BIRC6: variants seen among roughly 807,000 people sequenced by gnomAD.
BIRC6 encodes the protein baculoviral IAP repeat containing 6.
BIRC6 carries 98 observed loss-of-function variants against 503.3 expected under a neutral mutation model. The ratio of observed to expected loss-of-function variants is 0.19; its 90% confidence interval spans 0.17 to 0.23. The LOEUF is 0.23. Among genes scored for constraint, BIRC6 ranks in the 10% least tolerant of loss-of-function variants. The pLI is 1.00. For missense variants in BIRC6, 5,360 were observed against 5,806.0 expected, an observed-to-expected ratio of 0.92 and a Z score of 2.50; for synonymous variants, 2,240 against 2,078.7, an observed-to-expected ratio of 1.08 and a Z score of -2.11.
chr2:32,476,034 A>G (rs555546149), intron 33 of BIRC6, among the ~76,000 whole-genome samples, 179 bp from the exon 34 acceptor site: 1 of 152,254 alleles, frequency 6.6e-6, no homozygotes, highest in Non-Finnish European at 1.5e-5. Flanking sequence ...ACAGGGAGAG[A>G]TCTCAAAGTC....
intron 3 of BIRC6, among the ~76,000 whole-genome samples, chr2:32,384,925 C>G (rs12475684): frequency 0.085 from 12,882 of 152,208 alleles, 663 homozygotes; most frequent in Admixed American, 0.15. Context: ...TCTGAGAGTT[C>G]TATTCATAGA....
chr2:32,542,118 A>G (rs926039337), intron 61 of BIRC6, among the ~76,000 whole-genome samples: 1 of 145,196 alleles, frequency 6.9e-6, no homozygotes, highest in East Asian at 1.9e-4. Context: ...AATTATGTCT[A>G]TATATATATA....
At chr2:32,363,387 A>G (rs1225419019) in intron 1 of BIRC6, among the ~76,000 whole-genome samples, 1 of 152,008 alleles carries the variant, frequency 6.6e-6, no homozygotes, top group Non-Finnish European at 1.5e-5. Context: ...CTTTTTTTAT[A>G]TTCAGTTTTT....
At chr2:32,388,711 A>T in intron 3 of BIRC6, 39 bp from the exon 4 acceptor site, 1 of 1,408,314 alleles carries the variant, frequency 7.1e-7, no homozygotes, top group South Asian at 1.6e-5. Context: ...AAAACTGTTG[A>T]GTACATTTTC....
chr2:32,545,189 A>G (rs1223835157), intron 62 of BIRC6, among the ~76,000 whole-genome samples: 1 of 152,108 alleles, frequency 6.6e-6, no homozygotes, highest in African/African-American at 2.4e-5. Context: ...CTTTCTTTGC[A>G]TTTAATACCC....
rs760866757 is a variant in BIRC6 at position 32,510,607 on chromosome 2, C to T, written c.10319C>T (p.Thr3440Ile). 1 of 1,605,104 alleles carries T rather than the reference C, an allele frequency of 6.2e-7. No homozygotes were observed. The highest frequency in any genetic ancestry group is 1.1e-5 in the South Asian group (1 of 90,896). ...STIDILYQLGTTQDPGTKDRI... is the reference protein window; with the variant it reads ...STIDILYQLGITQDPGTKDRI... ...ATAGATATTCTTTACCAGCTTGGAA[C>T]AACTCAGGATCCTGGTACAAAAGAC... Residue 3440 changes from threonine (T) to isoleucine (I), a missense_variant, in exon 53 of 74, where the codon ACA becomes ATA. By Grantham distance (89) the Thr-to-Ile change is moderately conservative. Around this residue, in one of 16 missense-constraint regions of BIRC6, gnomAD observed 878 missense variants for 928.9 expected, o/e 0.95. Coordinates refer to ENST00000421745, the MANE Select transcript of BIRC6 (RefSeq NM_016252.4).
rs910948615 is a variant in BIRC6, at chr2:32,470,911, T to C, written c.6482-103T>C. On this transcript the variant is annotated intron_variant, in intron 31 of 73. Coordinates refer to ENST00000421745, the MANE Select transcript of BIRC6 (RefSeq NM_016252.4). ...TATTAGTGTTAGTAATGATAAGATA[T>C]GTTTTGGATTTATAGAATGTTTTGT... 9.4e-6 allele frequency: 11 copies of C among 1,175,804 alleles called. No individual in the cohort carries two copies. The African/African-American group carries it at 1.4e-4, about 15-fold the overall frequency. 72.8% of individuals were successfully genotyped at this position (1,175,804 alleles called of 1,614,324 possible). A position where few individuals can be genotyped will look rare whatever the true frequency, so the allele number is the denominator to read the frequency against.
chr2:32,460,752 G>C (rs535676904), intron 23 of BIRC6, among the ~76,000 whole-genome samples: 2 of 151,824 alleles, frequency 1.3e-5, no homozygotes, highest in South Asian at 2.1e-4. Flanking sequence ...GATTCACTTA[G>C]TTTTCCCTGT....
At chr2:32,500,990 C>A (rs2149461926) in intron 46 of BIRC6, among the ~76,000 whole-genome samples, 1 of 152,074 alleles carries the variant, frequency 6.6e-6, no homozygotes, top group African/African-American at 2.4e-5. Context: ...GTGTTGAAGA[C>A]AAGTATTATT....
chr2:32,439,642 G>T lies in BIRC6; in HGVS notation c.3766G>T (p.Gly1256Cys). 1 of 1,613,844 alleles carries T rather than the reference G, an allele frequency of 6.2e-7. No homozygotes were observed. The highest frequency in any genetic ancestry group is 8.5e-7 in the Non-Finnish European group (1 of 1,179,842). Residue 1256 changes from glycine (G) to cysteine (C), a missense_variant, in exon 16 of 74, where the codon GGT becomes TGT. By Grantham distance (159) the Gly-to-Cys change is radical. This residue lies in a region of BIRC6 where 2,299 missense variants were observed against 2,267.2 expected (regional missense o/e 1.01). Coordinates refer to ENST00000421745, the MANE Select transcript of BIRC6 (RefSeq NM_016252.4). ...LPSLKHQSNKGYSLASLLAKV... is the reference protein window; with the variant it reads ...LPSLKHQSNKCYSLASLLAKV... ...ATCCCTAAAACACCAGAGTAACAAGGGTTATTCACTTGCTTCACTTTTGGC... is the reference window on the plus strand; with the variant it reads ...ATCCCTAAAACACCAGAGTAACAAGTGTTATTCACTTGCTTCACTTTTGGC...
chr2:32,547,779 C>T (rs1027952178), intron 63 of BIRC6, 71 bp from the exon 64 acceptor site: 2 of 1,297,094 alleles, frequency 1.5e-6, no homozygotes, highest in Non-Finnish European at 2.1e-6. Context: ...ATTTTACTTT[C>T]CCAGTGATAA....
At chr2:32,397,574 C>CTGTGTGTGTGTGTGTGTGTGTG (rs147651911) in intron 6 of BIRC6, among the ~76,000 whole-genome samples, 5 of 138,020 alleles carry the variant, frequency 3.6e-5, no homozygotes, top group African/African-American at 1.1e-4. Flanking sequence ...CCCGTAAAGG[C>CTGTGTGTGTGTGTGTGTGTGTG]TGTGTGTGTG....
intron 1 of BIRC6, among the ~76,000 whole-genome samples, chr2:32,359,068 G>T (rs1252961798): frequency 6.6e-6 from 1 of 152,134 alleles, no homozygotes; most frequent in African/African-American, 2.4e-5. Context: ...TTACAAATAG[G>T]ATTAAAATCT....
intron 66 of BIRC6, among the ~76,000 whole-genome samples, chr2:32,584,027 C>G (rs766210402): frequency 6.6e-6 from 1 of 152,092 alleles, no homozygotes; most frequent in Non-Finnish European, 1.5e-5. Flanking sequence ...CCACCTTGCC[C>G]GGCCTGTAAA....
chr2:32,385,806 C>T lies in BIRC6; in HGVS notation c.646-2944C>T, dbSNP rs1272254899. 2.0e-5 allele frequency among the ~76,000 whole-genome samples: 3 copies of T among 152,178 alleles called. No homozygotes were observed. In the East Asian group the frequency reaches 5.8e-4, roughly 29 times the overall value. ...TGATACTTGGATTAGAGCACACATT[C>T]AAGTATGCTAAATATTGGCTCCCAA... On this transcript the variant is annotated intron_variant, in intron 3 of 73. Coordinates refer to ENST00000421745, the MANE Select transcript of BIRC6 (RefSeq NM_016252.4).
At chr2:32,498,189 A>G (rs1341853046) in intron 45 of BIRC6, among the ~76,000 whole-genome samples, 3 of 151,992 alleles carry the variant, frequency 2.0e-5, no homozygotes, top group African/African-American at 7.3e-5. Flanking sequence ...AACTTGCCGA[A>G]TAGCTGGGAT....
At chr2:32,503,688 C>T (rs2053463302) in intron 49 of BIRC6, among the ~76,000 whole-genome samples, 1 of 151,560 alleles carries the variant, frequency 6.6e-6, no homozygotes, top group Non-Finnish European at 1.5e-5. Context: ...TCCCAAAGTG[C>T]TGGGATTACA....
intron 54 of BIRC6, among the ~76,000 whole-genome samples, chr2:32,514,317 G>C (rs536009540): frequency 7.9e-5 from 12 of 152,242 alleles, no homozygotes; most frequent in Admixed American, 7.8e-4. Flanking sequence ...AGAGCAAGAC[G>C]TCATCTCAAA....
chr2:32,606,342 C>T (rs890364777), intron 71 of BIRC6, among the ~76,000 whole-genome samples: 3 of 152,130 alleles, frequency 2.0e-5, no homozygotes, highest in Admixed American at 2.0e-4. Context: ...AATCTCAGCA[C>T]TTTGGGAGGC....
Sources: gnomAD v4.1 joint callset for allele counts (sites outside exome capture counted in the v4.1 genomes callset) on GRCh38, gnomAD v4.1.1 for gene constraint, gnomAD v4.1.1 regional missense constraint, MANE v1.5 for transcripts, NCBI Gene and HGNC (gene_info 2026-07-23, HGNC 2026-07-21) for gene names.